Variants in MLLT3 observed in about 807,000 individuals in gnomAD.
MLLT3 encodes protein AF-9.
Under a neutral mutation model 53.2 loss-of-function variants are expected in MLLT3, and 4 were observed. The observed-to-expected ratio is 0.08, with a 90% CI of 0.04 to 0.17. The LOEUF (loss-of-function observed/expected upper bound fraction) is 0.17, where lower values mean the gene tolerates loss of function less well. Ranked by LOEUF, MLLT3 falls within the 10% of genes least tolerant of loss-of-function variation. The probability of loss-of-function intolerance (pLI) is 1.00; values close to 1 mark genes in which losing one functional copy is unlikely to be tolerated. For synonymous variants in MLLT3, 283 were observed against 230.6 expected (o/e 1.23, Z -2.06); for missense variants, 569 against 684.0 (o/e 0.83, Z 1.87).
chr9:20,592,400 C>T (rs1309879416), intron 2 of MLLT3, among the ~76,000 whole-genome samples: 2 of 152,170 alleles, frequency 1.3e-5, no homozygotes, highest in African/African-American at 4.8e-5. Context: ...GGGCTGATTT[C>T]TTCTGAGGCT....
At chr9:20,440,257 T>G (rs759021650) in intron 4 of MLLT3, among the ~76,000 whole-genome samples, 4 of 152,184 alleles carry the variant, frequency 2.6e-5, no homozygotes, top group Admixed American at 6.5e-5. Context: ...TCAAACATTC[T>G]TTCTGTTATA....
intron 2 of MLLT3, among the ~76,000 whole-genome samples, chr9:20,565,131 TG>T (rs1819315663): frequency 6.7e-6 from 1 of 149,958 alleles, no homozygotes; most frequent in East Asian, 1.9e-4. Flanking sequence ...CTGACTGATA[TG>T]TTTTTTTTTT....
chr9:20,420,360 T>C lies in MLLT3; in HGVS notation c.421-5935A>G, dbSNP rs1204072349. On this transcript the variant is annotated intron_variant, in intron 4 of 10. Transcript: ENST00000380338. ...ATCAGATAAAGGCTGTTACAAGAAA[T>C]ACTTTAAATCAATTGATTGAAAAAA... Among the ~76,000 whole-genome samples, 5 of 152,250 alleles carry C rather than the reference T, an allele frequency of 3.3e-5. No homozygotes were observed. In the East Asian group the frequency reaches 9.6e-4, roughly 29 times the overall value.
intron 2 of MLLT3, among the ~76,000 whole-genome samples, chr9:20,561,571 T>C (rs1819212821): frequency 6.6e-6 from 1 of 152,186 alleles, no homozygotes; most frequent in Non-Finnish European, 1.5e-5. Flanking sequence ...TTTCCAAAGT[T>C]GTCTTTAAAG....
intron 2 of MLLT3, among the ~76,000 whole-genome samples, chr9:20,529,147 C>A (rs1345660805): frequency 6.6e-6 from 1 of 152,162 alleles, no homozygotes; most frequent in Non-Finnish European, 1.5e-5. Context: ...CTACGCCTTA[C>A]AATCTGGGTA....
intron 2 of MLLT3, among the ~76,000 whole-genome samples, chr9:20,541,089 A>C (rs1276995192): frequency 1.3e-5 from 2 of 152,192 alleles, no homozygotes; most frequent in South Asian, 4.1e-4. Flanking sequence ...CTTTTTGCTA[A>C]ATTATAGCAA....
At chr9:20,589,028 G>T (rs1413300943) in intron 2 of MLLT3, among the ~76,000 whole-genome samples, 26 of 151,272 alleles carry the variant, frequency 1.7e-4, no homozygotes, top group South Asian at 6.4e-4. Context: ...ACAGTGTGGC[G>T]ATTCCTCAGG....
At chr9:20,551,155 T>C (rs1189250896) in intron 2 of MLLT3, among the ~76,000 whole-genome samples, 1 of 152,230 alleles carries the variant, frequency 6.6e-6, no homozygotes, top group Non-Finnish European at 1.5e-5. Flanking sequence ...AAATTTCCAA[T>C]TGCCTTTAGC....
chr9:20,541,839 T>G (rs1252404820), intron 2 of MLLT3, among the ~76,000 whole-genome samples: 1 of 152,188 alleles, frequency 6.6e-6, no homozygotes, highest in Non-Finnish European at 1.5e-5. Context: ...CTTCAAATTC[T>G]ACCTCTTTTA....
At chr9:20,580,234 TAAAAC>T (rs61386746) in intron 2 of MLLT3, among the ~76,000 whole-genome samples, 16,656 of 152,176 alleles carry the variant, frequency 0.11, 1,110 homozygotes, top group East Asian at 0.22. Context: ...CATTAACTCT[TAAAAC>T]AAAACAGAAA....
rs921451250 is a variant in MLLT3, at chr9:20,507,793, T to C, written c.194-51007A>G. On this transcript the variant is annotated intron_variant, in intron 2 of 10. Coordinates refer to ENST00000380338, the MANE Select transcript of MLLT3 (RefSeq NM_004529.4). ...AAGCCCAGAAAAATAGATAAATCAATTGGCTCAACATTTTAATGTTAAAAT... is the reference window on the plus strand; with the variant it reads ...AAGCCCAGAAAAATAGATAAATCAACTGGCTCAACATTTTAATGTTAAAAT... Among the ~76,000 whole-genome samples the C allele has an allele frequency of 2.1e-5, 3 of 140,544 alleles. No individual in the cohort carries two copies. In the East Asian group the frequency reaches 6.1e-4, roughly 29 times the overall value. 92.2% of individuals were successfully genotyped at this position (140,544 alleles called of 152,430 possible).
At chr9:20,502,858 C>CA (rs1449014636) in intron 2 of MLLT3, among the ~76,000 whole-genome samples, 1 of 152,062 alleles carries the variant, frequency 6.6e-6, no homozygotes, top group Non-Finnish European at 1.5e-5. Context: ...CTGCAGGAAA[C>CA]AAAATCAACA....
At chr9:20,614,532 G>GTA (rs1371142396) in intron 2 of MLLT3, among the ~76,000 whole-genome samples, 1 of 151,828 alleles carries the variant, frequency 6.6e-6, no homozygotes, top group Non-Finnish European at 1.5e-5. Flanking sequence ...ATGTGTATGT[G>GTA]TATATATATA....
intron 2 of MLLT3, among the ~76,000 whole-genome samples, chr9:20,488,319 G>A (rs1354810988): frequency 6.6e-6 from 1 of 152,012 alleles, no homozygotes; most frequent in African/African-American, 2.4e-5. Context: ...TATGCTTAAT[G>A]ACACTGAACT....
At chr9:20,619,329 A>T (rs538935098) in intron 2 of MLLT3, among the ~76,000 whole-genome samples, 1 of 152,354 alleles carries the variant, frequency 6.6e-6, no homozygotes, top group Non-Finnish European at 1.5e-5. Context: ...AGGAGGAGTT[A>T]TAAACCAAAC....
chr9:20,621,695 G>A lies in MLLT3; in HGVS notation c.12+550C>T, dbSNP rs991992494. 1.4e-6 allele frequency: 2 copies of A among 1,412,814 alleles called. No individual in the cohort carries two copies. Among genetic ancestry groups the A allele is most frequent in the South Asian group, 2.6e-5 (2 of 77,144 alleles). 87.5% of individuals were successfully genotyped at this position (1,412,814 alleles called of 1,614,324 possible). On this transcript the variant is annotated intron_variant, in intron 1 of 10. Transcript: ENST00000380338. The surrounding 1 kb of genome is among the most constrained non-coding windows in gnomAD (Gnocchi z 7.0). ...CTCGCGCTCAGCACCTCCCGGCGCT[G>A]GGGCAAAGTTGCGTGCGGCCCCGCC...
Position 20,497,159 on chromosome 9 carries a change from G to A in MLLT3, c.194-40373C>T, listed in dbSNP as rs550543597. On this transcript the variant is annotated intron_variant, in intron 2 of 10. Transcript: ENST00000380338. Reference sequence around the variant, plus strand: ...GTAGTATCCAGTAGTAAATGGCAACGCAAACTTCACCTTCTGATATTCAGT... The same window carrying A: ...GTAGTATCCAGTAGTAAATGGCAACACAAACTTCACCTTCTGATATTCAGT... Among the ~76,000 whole-genome samples, 8 of 152,302 alleles carry A rather than the reference G, an allele frequency of 5.3e-5. No individual in the cohort carries two copies. The South Asian group carries it at 1.2e-3, about 24-fold the overall frequency.
At chr9:20,350,399 A>G (rs188742237) in intron 10 of MLLT3, among the ~76,000 whole-genome samples, 1 of 151,886 alleles carries the variant, frequency 6.6e-6, no homozygotes, top group Admixed American at 6.6e-5. Flanking sequence ...ATCAAGACCA[A>G]CCCGGCTAAA....
At chr9:20,482,055 C>T (rs1374265120) in intron 2 of MLLT3, among the ~76,000 whole-genome samples, 1 of 152,212 alleles carries the variant, frequency 6.6e-6, no homozygotes, top group Non-Finnish European at 1.5e-5. Context: ...CTTGTTTAGA[C>T]ATTATCTCCC....
Sources: allele counts gnomAD v4.1 joint callset (sites outside exome capture counted in the v4.1 genomes callset), GRCh38; gene constraint gnomAD v4.1.1; non-coding constraint Gnocchi (gnomAD v3.1); transcripts MANE v1.5; gene names NCBI Gene and HGNC (gene_info 2026-07-23, HGNC 2026-07-21).